ADIPOR1: variants seen among roughly 807,000 people sequenced by gnomAD.
The protein encoded by ADIPOR1 is adiponectin receptor protein 1.
In ADIPOR1, 15 loss-of-function variants were observed where a neutral mutation model predicts 37.5. The observed-to-expected ratio is 0.40, with a 90% confidence interval of 0.27 to 0.62. The LOEUF (loss-of-function observed/expected upper bound fraction) is 0.62, where lower values mean the gene tolerates loss of function less well. Ranked by LOEUF, ADIPOR1 falls within the 20% of genes least tolerant of loss-of-function variation. The probability of loss-of-function intolerance (pLI) is 0.42; values close to 1 mark genes in which losing one functional copy is unlikely to be tolerated. For synonymous variants in ADIPOR1, 173 were observed against 173.2 expected (o/e 1.00, Z 0.01); for missense variants, 286 against 478.0 (o/e 0.60, Z 3.75).
chr1:202,951,716 C>T (rs531919301), intron 1 of ADIPOR1, among the ~76,000 whole-genome samples: 2 of 152,296 alleles, frequency 1.3e-5, no homozygotes, highest in East Asian at 3.9e-4. Context: ...GGACAGATGC[C>T]TAGTGGTTAA....
At chr1:202,944,396 A>C (rs1654221978) in intron 5 of ADIPOR1, 1 of 154,884 alleles carries the variant, frequency 6.5e-6, no homozygotes, top group Admixed American at 6.4e-5. Context: ...TAAATGAGGA[A>C]AATGTACCTT....
chr1:202,956,907 T>C (rs1171807353), intron 1 of ADIPOR1, among the ~76,000 whole-genome samples: 1 of 152,236 alleles, frequency 6.6e-6, no homozygotes, highest in Non-Finnish European at 1.5e-5. Flanking sequence ...AGGCAAAGTC[T>C]TGACCATTGA....
rs776835418 is a variant in ADIPOR1, at chr1:202,951,044, C to A, written c.27G>T (p.Val9=). ...TGGCAGGAGCCCCATTCCCCTGTGC[C>A]ACCACAGATCCTTTGTGGGAAGACA... MSSHKGSV[V]AQGNGAPASN... is the part of the protein sequence containing the mutation. Residue 9 remains valine (V), a synonymous_variant, in exon 2 of 8, where the codon GTG becomes GTT. Coordinates refer to ENST00000340990, the MANE Select transcript of ADIPOR1 (RefSeq NM_015999.6). The A allele has an allele frequency of 1.2e-6, 2 of 1,614,144 alleles. No individual in the cohort carries two copies. Among genetic ancestry groups the A allele is most frequent in the Non-Finnish European group, 1.7e-6 (2 of 1,180,030 alleles).
chr1:202,951,685 T>C (rs187292496), intron 1 of ADIPOR1, among the ~76,000 whole-genome samples: 1 of 152,368 alleles, frequency 6.6e-6, no homozygotes, highest in Non-Finnish European at 1.5e-5. Flanking sequence ...GTGTCATACA[T>C]ACAAAAGGAA....
At chr1:202,957,034 C>T (rs1421637043) in intron 1 of ADIPOR1, among the ~76,000 whole-genome samples, 1 of 152,134 alleles carries the variant, frequency 6.6e-6, no homozygotes, top group African/African-American at 2.4e-5. Context: ...AAGTGCAAAT[C>T]ACAATATGGG....
Position 202,941,644 on chromosome 1 carries a change from AG to A in ADIPOR1, c.1056del (p.Tyr353MetfsTer13). On this transcript the variant is annotated frameshift_variant, in exon 8 of 8. Transcript: ENST00000340990. LOFTEE classifies it high-confidence loss of function. ...AATTCCTGAAGGTTGGAGACTCCATAGAAGTGGACAAAGGCTGCTGCCACCA... is the reference window on the plus strand; with the variant it reads ...AATTCCTGAAGGTTGGAGACTCCATAAAGTGGACAAAGGCTGCTGCCACCA... ...VLVVAAAFVH[F>X]YGVSNLQEFR... 1 of 1,614,206 alleles carries A rather than the reference AG, an allele frequency of 6.2e-7. No individual in the cohort carries two copies. The highest frequency in any genetic ancestry group is 8.5e-7 in the Non-Finnish European group (1 of 1,180,014).
intron 2 of ADIPOR1, among the ~76,000 whole-genome samples, 180 bp downstream of exon 2, chr1:202,950,750 G>C (rs1279852995): frequency 6.6e-6 from 1 of 152,170 alleles, no homozygotes; most frequent in East Asian, 1.9e-4. Flanking sequence ...ATTCCCAAAA[G>C]CTTACAATGG....
chr1:202,956,833 A>C (rs920870414), intron 1 of ADIPOR1, among the ~76,000 whole-genome samples: 1 of 152,244 alleles, frequency 6.6e-6, no homozygotes, highest in Admixed American at 6.5e-5. Context: ...TTTATAAATC[A>C]GCAATGGGGA....
At chr1:202,951,247 C>A (rs1654571079) in intron 1 of ADIPOR1, 83 bp from the exon 2 acceptor site, 2 of 685,534 alleles carry the variant, frequency 2.9e-6, no homozygotes, top group South Asian at 2.2e-5. Flanking sequence ...GAATAAGAAG[C>A]TAATCAACTC....
At chr1:202,943,563 G>A (rs2102482048) in intron 6 of ADIPOR1, among the ~76,000 whole-genome samples, 195 bp downstream of exon 6, 1 of 152,272 alleles carries the variant, frequency 6.6e-6, no homozygotes, top group Middle Eastern at 3.4e-3. Context: ...TGTCCTATTG[G>A]CATTCTACTG....
chr1:202,957,925 G>T (rs971331068), intron 1 of ADIPOR1, among the ~76,000 whole-genome samples: 2 of 152,204 alleles, frequency 1.3e-5, no homozygotes, highest in Non-Finnish European at 2.9e-5. Flanking sequence ...GCCGGGAGTC[G>T]GGGGACAGCC....
At position 202,948,435 on chromosome 1, in the gene ADIPOR1, A is replaced by T. The variant is rs1654421923; in HGVS notation, c.142-15T>A. On this transcript the variant is annotated splice_polypyrimidine_tract_variant and intron_variant, in intron 2 of 7. Transcript: ENST00000340990. ...TCTTCTTCAGCCTATGGGGGAAAAA[A>T]CCCACAACAATCCAGGGAGTCATCT... is the stretch of plus-strand genomic sequence containing the variant. The T allele has an allele frequency of 1.2e-6, 2 of 1,605,854 alleles. No homozygotes were observed. The highest frequency in any genetic ancestry group is 4.5e-5 in the East Asian group (2 of 44,772).
At chr1:202,944,202 G>A (rs182922974) in intron 5 of ADIPOR1, 17 of 360,458 alleles carry the variant, frequency 4.7e-5, no homozygotes, top group African/African-American at 2.6e-4. Flanking sequence ...GTGAACAGCC[G>A]TATCTCCCAT....
At chr1:202,948,502 C>A (rs1026051862) in intron 2 of ADIPOR1, 82 bp from the exon 3 acceptor site, 1 of 1,238,986 alleles carries the variant, frequency 8.1e-7, no homozygotes, top group South Asian at 1.2e-5. Context: ...CCAGAAAAAC[C>A]CAAACCTAAT....
intron 1 of ADIPOR1, 119 bp downstream of exon 1, chr1:202,958,065 CT>C (rs1654854149): frequency 6.6e-6 from 1 of 152,296 alleles, no homozygotes; most frequent in Non-Finnish European, 1.5e-5. Context: ...CCCGAGCCCC[CT>C]GGCAAGTCGG....
intron 7 of ADIPOR1, 149 bp from the exon 8 acceptor site, chr1:202,941,850 C>T: frequency 7.8e-7 from 1 of 1,277,862 alleles, no homozygotes; most frequent in Non-Finnish European, 1.1e-6. Flanking sequence ...GTTTTAAAAA[C>T]ACAGTCCTTG....
chr1:202,949,385 C>T (rs146872748), intron 2 of ADIPOR1, among the ~76,000 whole-genome samples: 7,558 of 151,216 alleles, frequency 0.05, 484 homozygotes, highest in East Asian at 0.21. Context: ...TCGAGACCAT[C>T]CTGGCTAACA....
intron 1 of ADIPOR1, among the ~76,000 whole-genome samples, chr1:202,952,503 T>C (rs12084955): frequency 0.22 from 33,679 of 152,168 alleles, 4,234 homozygotes; most frequent in Non-Finnish European, 0.3. Flanking sequence ...TCACAATTCC[T>C]TCTCAGGGAT....
rs1181714240 is a variant in ADIPOR1 at position 202,951,043 on chromosome 1, C to T, written c.28G>A (p.Ala10Thr). The T allele has an allele frequency of 1.2e-6, 2 of 1,614,124 alleles. No individual in the cohort carries two copies. Among genetic ancestry groups the T allele is most frequent in the Non-Finnish European group, 1.7e-6 (2 of 1,180,020 alleles). ...CTGGCAGGAGCCCCATTCCCCTGTG[C>T]CACCACAGATCCTTTGTGGGAAGAC... Reference protein sequence around the residue: MSSHKGSVVAQGNGAPASNR... With the variant: MSSHKGSVVTQGNGAPASNR... The change falls in exon 2 of 8, where the codon GCA (alanine) becomes ACA (threonine). Residue 10 changes from alanine (A) to threonine (T), a missense_variant. Ala to Thr is a moderately conservative substitution (Grantham distance 58). Coordinates refer to ENST00000340990, the MANE Select transcript of ADIPOR1 (RefSeq NM_015999.6).
Sources: gnomAD v4.1 joint callset for allele counts (sites outside exome capture counted in the v4.1 genomes callset) on GRCh38, gnomAD v4.1.1 for gene constraint, MANE v1.5 for transcripts, NCBI Gene and HGNC (gene_info 2026-07-23, HGNC 2026-07-21) for gene names.